The following MYH15 variants were observed in gnomAD, a reference collection of about 807,000 sequenced individuals.
MYH15 encodes the protein myosin-15.
A neutral mutation model predicts 240.5 loss-of-function variants in MYH15; 227 were observed. The ratio of observed to expected loss-of-function variants is 0.94; its 90% CI spans 0.85 to 1.05. The LOEUF (loss-of-function observed/expected upper bound fraction) is 1.05. MYH15 is among the 50% of genes least tolerant of loss of function. The pLI is 0.00. For synonymous variants in MYH15, 785 were observed against 796.7 expected (o/e 0.99, Z 0.25); for missense variants, 2,217 against 2,247.5 (o/e 0.99, Z 0.27).
intron 21 of MYH15, among the ~76,000 whole-genome samples, chr3:108,449,452 T>C (rs371633044): frequency 6.6e-6 from 1 of 152,016 alleles, no homozygotes; most frequent in South Asian, 2.1e-4. Flanking sequence ...GGTTAATTGA[T>C]CTTCAATAAA....
chr3:108,381,350 A>T lies in MYH15; in HGVS notation c.*195T>A. 1.6e-6 allele frequency: 1 copy of T among 629,150 alleles called. No homozygotes were observed. Among genetic ancestry groups the T allele is most frequent in the Non-Finnish European group, 2.8e-6 (1 of 354,218 alleles). 39.0% of individuals were successfully genotyped at this position (629,150 alleles called of 1,614,324 possible). On this transcript the variant is annotated 3_prime_UTR_variant, in exon 41 of 41. Coordinates refer to ENST00000693548, the MANE Select transcript of MYH15 (RefSeq NM_014981.3). ...TTAGAAGGTAGTTTACTTGCATTTGAGGATCAAAAAATCCCCATTAACTGT... is the reference window on the plus strand; with the variant it reads ...TTAGAAGGTAGTTTACTTGCATTTGTGGATCAAAAAATCCCCATTAACTGT...
At chr3:108,387,243 A>G (rs2082390369) in intron 38 of MYH15, among the ~76,000 whole-genome samples, 2 of 152,214 alleles carry the variant, frequency 1.3e-5, no homozygotes, top group African/African-American at 4.8e-5. Flanking sequence ...CCTGGTGGTT[A>G]TTTTGATGAT....
Position 108,414,336 on chromosome 3 carries a change from A to G in MYH15, c.4041T>C (p.Ala1347=). The G allele has an allele frequency of 1.2e-6, 2 of 1,614,200 alleles. No individual in the cohort carries two copies. The highest frequency in any genetic ancestry group is 1.7e-6 in the Non-Finnish European group (2 of 1,180,026). Residue 1347 remains alanine, a synonymous_variant, in exon 30 of 41, where the codon GCT becomes GCC. Coordinates refer to ENST00000693548, the MANE Select transcript of MYH15 (RefSeq NM_014981.3). Reference sequence around the variant, plus strand: ...CTTTGGATAAGGTCCGGTGCAGCTCAGCCTTGACCTCTTGTTCTTCCTCAT... The same window carrying G: ...CTTTGGATAAGGTCCGGTGCAGCTCGGCCTTGACCTCTTGTTCTTCCTCAT... ...EQYEEEQEVK[A]ELHRTLSKVN...
Position 108,410,567 on chromosome 3 carries a change from G to T in MYH15, c.4495+16C>A. 2.6e-6 allele frequency: 4 copies of T among 1,553,034 alleles called. No homozygotes were observed. Among genetic ancestry groups the T allele is most frequent in the Non-Finnish European group, 3.5e-6 (4 of 1,142,490 alleles). On this transcript the variant is annotated intron_variant, in intron 31 of 40. Transcript: ENST00000693548. The stretch of plus-strand genomic sequence containing the variant: ...CTACCCGCTCTGGCTTTGGCTCTGA[G>T]CCCAGCTCGGTGTACCTTGGAGGTT...
chr3:108,451,659 T>C (rs1482897073), intron 21 of MYH15, among the ~76,000 whole-genome samples: 1 of 152,084 alleles, frequency 6.6e-6, no homozygotes, highest in African/African-American at 2.4e-5. Context: ...TCTTCAACTG[T>C]TTTATGAGGT....
intron 15 of MYH15, among the ~76,000 whole-genome samples, chr3:108,463,535 T>A (rs1304576515): frequency 1.3e-5 from 2 of 152,116 alleles, no homozygotes; most frequent in African/African-American, 4.8e-5. Flanking sequence ...GGTTTCCACA[T>A]GTTGCTCGGT....
At chr3:108,539,627 T>G in the MYH15 span, among the ~76,000 whole-genome samples, 2 of 152,050 alleles carry the variant, frequency 1.3e-5, no homozygotes, top group Non-Finnish European at 2.9e-5. Context: ...AATTTACGGG[T>G]AACTAAAGAA....
At chr3:108,532,076 A>G (rs548797820), upstream of MYH15, among the ~76,000 whole-genome samples, 164 of 152,270 alleles carry the variant, frequency 1.1e-3, no homozygotes, top group African/African-American at 3.8e-3. Context: ...TTTTCTCAAG[A>G]AAGAGAAAAA....
chr3:108,383,701 T>G lies in MYH15; in HGVS notation c.5660A>C (p.Lys1887Thr). The G allele has an allele frequency of 6.2e-7, 1 of 1,606,518 alleles. No homozygotes were observed. Among genetic ancestry groups the G allele is most frequent in the Non-Finnish European group, 8.5e-7 (1 of 1,176,540 alleles). Reference sequence around the variant, plus strand: ...CAACTCATGTTGCTGTTTCTTATACTTGGAAAGGTATTGATTGGCTTGTGT... The same window carrying G: ...CAACTCATGTTGCTGTTTCTTATACGTGGAAAGGTATTGATTGGCTTGTGT... ...AETQANQYLS[K>T]YKKQQHELNE... is the part of the protein sequence containing the mutation. Residue 1887 changes from lysine to threonine, a missense_variant, in exon 40 of 41, where the codon AAG becomes ACG. By Grantham distance (78) the Lys-to-Thr change is moderately conservative. Coordinates refer to ENST00000693548, the MANE Select transcript of MYH15 (RefSeq NM_014981.3).
Position 108,495,766 on chromosome 3 carries a change from A to G in MYH15, c.711+14T>C. The G allele has an allele frequency of 1.9e-6, 3 of 1,594,330 alleles. No homozygotes were observed. The highest frequency in any genetic ancestry group is 2.6e-6 in the Non-Finnish European group (3 of 1,164,382). ...ATTAAATACTTTGATATTATGCTAA[A>G]TCATGTTACTTACAAAACGAGAGGA... On this transcript the variant is annotated intron_variant, in intron 7 of 40. Coordinates refer to ENST00000693548, the MANE Select transcript of MYH15 (RefSeq NM_014981.3).
intron 38 of MYH15, 44 bp downstream of exon 38, chr3:108,388,926 G>A (rs762684907): frequency 1.3e-6 from 2 of 1,561,186 alleles, no homozygotes. Context: ...TTTTCTGCAG[G>A]GTAGTGCCCA....
At chr3:108,536,267 AAAAACAAAAC>A in the MYH15 span, among the ~76,000 whole-genome samples, 13 of 152,196 alleles carry the variant, frequency 8.5e-5, no homozygotes, top group South Asian at 2.1e-4. Flanking sequence ...TTTACCTCAA[AAAAACAAAAC>A]AAAACAAAAC....
At chr3:108,485,700 G>A (rs184763041) in intron 10 of MYH15, among the ~76,000 whole-genome samples, 1 of 152,336 alleles carries the variant, frequency 6.6e-6, no homozygotes, top group Admixed American at 6.5e-5. Flanking sequence ...TGCATCCTAA[G>A]AATCCACTGC....
At chr3:108,437,510 T>C (rs1402418370) in intron 25 of MYH15, 44 bp downstream of exon 25, 13 of 1,586,894 alleles carry the variant, frequency 8.2e-6, no homozygotes, top group African/African-American at 1.4e-5. Flanking sequence ...TTCCTTCTAA[T>C]ATAAGGTCTC....
At chr3:108,420,198 T>C (rs948383548) in intron 28 of MYH15, among the ~76,000 whole-genome samples, 5 of 152,224 alleles carry the variant, frequency 3.3e-5, no homozygotes, top group Non-Finnish European at 7.3e-5. Context: ...TTTTAATTTA[T>C]TTATCAAATG....
At chr3:108,408,497 A>T in intron 31 of MYH15, 93 bp from the exon 32 acceptor site, 1 of 1,290,898 alleles carries the variant, frequency 7.7e-7, no homozygotes, top group Non-Finnish European at 1.1e-6. Context: ...GCCCACTGGA[A>T]CAGTGACCTC....
rs772650447 is a variant in MYH15, at chr3:108,410,922, C to T, written c.4156G>A (p.Ala1386Thr). Residue 1386 changes from alanine to threonine, a missense_variant, in exon 31 of 41, where the codon GCA becomes ACA. Coordinates refer to ENST00000693548, the MANE Select transcript of MYH15 (RefSeq NM_014981.3). ...EDLEDAKKEL[A>T]IRLQEAAEAM... is the part of the protein sequence containing the mutation. ...TCGGCTGCCTCCTGCAATCTAATTG[C>T]CAGTTCCTTCCTGAGAAAGGAGGAC... 4 of 1,595,050 alleles carry T rather than the reference C, an allele frequency of 2.5e-6. No individual in the cohort carries two copies. Among genetic ancestry groups the T allele is most frequent in the South Asian group, 1.1e-5 (1 of 89,930 alleles).
At chr3:108,459,484 T>G (rs758046126) in intron 17 of MYH15, 35 bp from the exon 18 acceptor site, 1 of 1,384,802 alleles carries the variant, frequency 7.2e-7, no homozygotes, top group East Asian at 2.4e-5. Context: ...CAAAATCACT[T>G]TGCAAATCAC....
rs763076926 is a variant in MYH15 at position 108,391,804 on chromosome 3, C to T, written c.5386G>A (p.Ala1796Thr). ...QKRLAEAEQM[A>T]LMGSRKQIQK... The stretch of plus-strand genomic sequence containing the variant: ...ATTTGCTTTCTACTCCCCATCAGGG[C>T]CATCTGTTCAGCTTCAGCCAGCCTT... The change falls in exon 37 of 41, where the codon GCC becomes ACC. Residue 1796 changes from alanine to threonine, a missense_variant. By Grantham distance (58) the Ala-to-Thr change is moderately conservative. Coordinates refer to ENST00000693548, the MANE Select transcript of MYH15 (RefSeq NM_014981.3). 1.4e-5 allele frequency: 22 copies of T among 1,614,076 alleles called. No homozygotes were observed. The South Asian group carries it at 1.8e-4, about 13-fold the overall frequency.
Sources: gnomAD v4.1 joint callset for allele counts (sites outside exome capture counted in the v4.1 genomes callset) on GRCh38, gnomAD v4.1.1 for gene constraint, MANE v1.5 for transcripts, NCBI Gene and HGNC (gene_info 2026-07-23, HGNC 2026-07-21) for gene names.